ZDBF2: variants seen among roughly 807,000 people sequenced by gnomAD.
The protein encoded by ZDBF2 is zinc finger DBF-type containing 2.
In ZDBF2, 6 loss-of-function variants were observed where a neutral mutation model predicts 9.4. The ratio of observed to expected loss-of-function variants is 0.64; its 90% CI spans 0.35 to 1.27. The LOEUF is 1.27. Ranked by LOEUF, ZDBF2 falls within the 50% of genes most tolerant of loss-of-function variation. The pLI is 0.03. For missense variants in ZDBF2, 2,697 were observed against 2,766.8 expected, an observed-to-expected ratio of 0.97 and a Z score of 0.57; for synonymous variants, 905 against 946.3, an observed-to-expected ratio of 0.96 and a Z score of 0.80.
In ZDBF2 at chr2:206,311,274, TGAA is replaced by T; in HGVS notation, c.6753_6755del (p.Lys2253del). On this transcript the variant is annotated inframe_deletion, in exon 5 of 5. Transcript: ENST00000374423. ...AGGAGCGCTTTTCTTGGAAGGTATC[TGAA>T]GAAGAAAAAATCTGTTGTCAGTAGG... 3 of 1,609,708 alleles carry T rather than the reference TGAA, an allele frequency of 1.9e-6. No homozygotes were observed. The highest frequency in any genetic ancestry group is 2.5e-6 in the Non-Finnish European group (3 of 1,177,498).
At chr2:206,297,396 T>G in intron 4 of ZDBF2, 23 bp downstream of exon 4, 1 of 1,599,684 alleles carries the variant, frequency 6.3e-7, no homozygotes, top group Non-Finnish European at 8.5e-7. Flanking sequence ...ATTGGAATAA[T>G]ATTTATACGT....
intron 3 of ZDBF2, among the ~76,000 whole-genome samples, chr2:206,283,474 AC>A (rs914185534): frequency 2.6e-5 from 4 of 152,032 alleles, no homozygotes; most frequent in African/African-American, 7.2e-5. Context: ...TTCCCTAATG[AC>A]ATATAGTGTC....
At position 206,307,312 on chromosome 2, in the gene ZDBF2, T is replaced by G; in HGVS notation, c.2784T>G (p.Thr928=). 1 of 1,611,922 alleles carries G rather than the reference T, an allele frequency of 6.2e-7. No homozygotes were observed. Among genetic ancestry groups the G allele is most frequent in the African/African-American group, 1.3e-5 (1 of 74,914 alleles). The change falls in exon 5 of 5, where the codon ACT becomes ACG. Residue 928 remains threonine (T), a synonymous_variant. Coordinates refer to ENST00000374423, the MANE Select transcript of ZDBF2 (RefSeq NM_020923.3). The part of the protein sequence containing the change: ...LDYNIIFHSV[T]GRSEDPIKEI... The stretch of plus-strand genomic sequence containing the variant: ...ATAATATCATTTTTCATTCAGTGAC[T>G]GGACGTTCTGAAGATCCCATTAAAG...
intron 4 of ZDBF2, among the ~76,000 whole-genome samples, chr2:206,299,971 T>C (rs1287556123): frequency 1.3e-5 from 2 of 152,116 alleles, no homozygotes; most frequent in African/African-American, 4.8e-5. Context: ...TAGCCGGGCA[T>C]GGTGGTGCAT....
rs1223690085 is a variant in ZDBF2, at chr2:206,305,742, A to G, written c.1214A>G (p.Glu405Gly). Residue 405 changes from glutamate (E) to glycine (G), a missense_variant, in exon 5 of 5, where the codon GAA (glutamate) becomes GGA (glycine). Coordinates refer to ENST00000374423, the MANE Select transcript of ZDBF2 (RefSeq NM_020923.3). Reference sequence around the variant, plus strand: ...GATAACTATGAGTCTAGAGGTTCAGAAATGAGTTTTGATTGCAGTTCCTCT... The same window carrying G: ...GATAACTATGAGTCTAGAGGTTCAGGAATGAGTTTTGATTGCAGTTCCTCT... ...QEDNYESRGS[E>G]MSFDCSSSFH... The G allele has an allele frequency of 6.2e-7, 1 of 1,613,780 alleles. No homozygotes were observed.
chr2:206,299,195 C>A (rs1322925242), intron 4 of ZDBF2, among the ~76,000 whole-genome samples: 1 of 151,972 alleles, frequency 6.6e-6, no homozygotes, highest in African/African-American at 2.4e-5. Flanking sequence ...GCAACTATTT[C>A]TATGGTATAG....
Position 206,313,034 on chromosome 2 carries a change from C to A in ZDBF2, c.*1441C>A, listed in dbSNP as rs1228779848. The A allele has an allele frequency of 6.6e-6, 1 of 152,104 alleles. No individual in the cohort carries two copies. The highest frequency in any genetic ancestry group is 2.4e-5 in the African/African-American group (1 of 41,418). 9.4% of individuals were successfully genotyped at this position (152,104 alleles called of 1,614,324 possible). The stretch of plus-strand genomic sequence containing the variant: ...CAGATGCATTCAGTTGTCATTCATT[C>A]GTGTTAAGCCAAGATCCTGGATCTT... On this transcript the variant is annotated 3_prime_UTR_variant, in exon 5 of 5. Transcript: ENST00000374423.
chr2:206,276,804 A>T (rs1691029982), intron 1 of ZDBF2, among the ~76,000 whole-genome samples: 1 of 152,252 alleles, frequency 6.6e-6, no homozygotes, highest in Non-Finnish European at 1.5e-5. Flanking sequence ...CGCCTGGCTC[A>T]GATTAAGTAC....
Position 206,308,309 on chromosome 2 carries a change from G to T in ZDBF2, c.3781G>T (p.Val1261Phe). The stretch of plus-strand genomic sequence containing the variant: ...AGTGGCTGGCCAACCTGAAGAAGTA[G>T]TTAAGGAGGTCAGTCTTTGGAAAGA... ...QPVAGQPEEV[V>F]KEVSLWKEHV... Residue 1261 changes from valine (V) to phenylalanine (F), a missense_variant, in exon 5 of 5, where the codon GTT becomes TTT. Around this residue, in one of 3 missense-constraint regions of ZDBF2, gnomAD observed 1,783 missense variants for 1,776.5 expected, o/e 1.00. Coordinates refer to ENST00000374423, the MANE Select transcript of ZDBF2 (RefSeq NM_020923.3). 1 of 1,613,910 alleles carries T rather than the reference G, an allele frequency of 6.2e-7. No individual in the cohort carries two copies. Among genetic ancestry groups the T allele is most frequent in the Non-Finnish European group, 8.5e-7 (1 of 1,179,844 alleles).
At chr2:206,303,750 G>A (rs1442697114) in intron 4 of ZDBF2, among the ~76,000 whole-genome samples, 1 of 152,112 alleles carries the variant, frequency 6.6e-6, no homozygotes, top group Non-Finnish European at 1.5e-5. Context: ...ACAGTTGTAT[G>A]TGCCATTCTC....
Position 206,307,744 on chromosome 2 carries a change from C to T in ZDBF2, c.3216C>T (p.Asn1072=). The T allele has an allele frequency of 6.2e-7, 1 of 1,612,962 alleles. No individual in the cohort carries two copies. Among genetic ancestry groups the T allele is most frequent in the Non-Finnish European group, 8.5e-7 (1 of 1,179,608 alleles). The part of the protein sequence containing the change: ...KEKHVNLKDK[N]SKSGDSKITF... ...AACATGTTAATCTGAAGGACAAAAACAGTAAATCAGGTGATTCTAAAATAA... is the reference window on the plus strand; with the variant it reads ...AACATGTTAATCTGAAGGACAAAAATAGTAAATCAGGTGATTCTAAAATAA... Residue 1072 remains asparagine (N), a synonymous_variant, in exon 5 of 5, where the codon AAC becomes AAT. Coordinates refer to ENST00000374423, the MANE Select transcript of ZDBF2 (RefSeq NM_020923.3).
intron 3 of ZDBF2, among the ~76,000 whole-genome samples, chr2:206,282,350 G>A (rs1238909545): frequency 3.3e-5 from 5 of 152,184 alleles, no homozygotes; most frequent in East Asian, 1.9e-4. Context: ...GCACACTAAC[G>A]AAGAGCCAGG....
At position 206,275,782 on chromosome 2, in the gene ZDBF2, G is replaced by C. The variant is rs375488819; in HGVS notation, c.-103+836G>C. ...AGAGAATCTGCTAACAATTTGGGGG[G>C]TATCTTTCCTTCCTTTTTAATTAAT... On this transcript the variant is annotated intron_variant, in intron 1 of 4. Transcript: ENST00000374423. 7.2e-5 allele frequency among the ~76,000 whole-genome samples: 11 copies of C among 152,278 alleles called. No homozygotes were observed. In the East Asian group the frequency reaches 2.1e-3, roughly 29 times the overall value.
chr2:206,291,548 C>T (rs1024441455), intron 3 of ZDBF2, among the ~76,000 whole-genome samples: 1 of 152,136 alleles, frequency 6.6e-6, no homozygotes, highest in South Asian at 2.1e-4. Context: ...TTGAAGATGT[C>T]GCTACTGTTA....
At chr2:206,281,703 A>G in intron 2 of ZDBF2, 98 bp from the exon 3 acceptor site, 1 of 696,034 alleles carries the variant, frequency 1.4e-6, no homozygotes, top group Non-Finnish European at 2.4e-6. Context: ...TTTCCTAATT[A>G]TTAGAAGTGA....
Position 206,307,846 on chromosome 2 carries a change from T to G in ZDBF2, c.3318T>G (p.Asn1106Lys). ...QWKEEVIGLK[N>K]KINEPSTYKL... ...AGGAAGAGGTTATTGGCCTGAAAAA[T>G]AAGATTAATGAACCTAGTACTTATA... The change falls in exon 5 of 5, where the codon AAT becomes AAG. Residue 1106 changes from asparagine to lysine, a missense_variant. This residue lies in a region of ZDBF2 where 1,783 missense variants were observed against 1,776.5 expected (regional missense o/e 1.00). Transcript: ENST00000374423. The G allele has an allele frequency of 2.5e-6, 4 of 1,612,236 alleles. No homozygotes were observed. The highest frequency in any genetic ancestry group is 3.4e-6 in the Non-Finnish European group (4 of 1,179,446).
At chr2:206,299,024 G>T (rs950252069) in intron 4 of ZDBF2, among the ~76,000 whole-genome samples, 7 of 151,534 alleles carry the variant, frequency 4.6e-5, no homozygotes, top group Non-Finnish European at 8.8e-5. Context: ...GGGATTACAG[G>T]CATATGCCAC....
At chr2:206,301,629 TTATG>T (rs1333816924) in intron 4 of ZDBF2, among the ~76,000 whole-genome samples, 2 of 152,172 alleles carry the variant, frequency 1.3e-5, no homozygotes, top group Non-Finnish European at 2.9e-5. Context: ...CATTATTTTA[TTATG>T]TATGTATAAA....
chr2:206,303,082 C>T (rs914437559), intron 4 of ZDBF2, among the ~76,000 whole-genome samples: 1 of 151,662 alleles, frequency 6.6e-6, no homozygotes, highest in African/African-American at 2.4e-5. Flanking sequence ...ATTCAGACTT[C>T]TTAGTTTCTA....
Sources: allele counts gnomAD v4.1 joint callset (sites outside exome capture counted in the v4.1 genomes callset), GRCh38; gene constraint gnomAD v4.1.1; regional missense constraint gnomAD v4.1.1; transcripts MANE v1.5; gene names NCBI Gene and HGNC (gene_info 2026-07-23, HGNC 2026-07-21).